Variants in PKIA observed in about 807,000 individuals in gnomAD.
The protein encoded by PKIA is cAMP-dependent protein kinase inhibitor alpha, also known as PKI-alpha.
Under a neutral mutation model 7.6 loss-of-function variants are expected in PKIA, and 4 were observed. The ratio of observed to expected loss-of-function variants is 0.52; its 90% confidence interval spans 0.26 to 1.20. The LOEUF (loss-of-function observed/expected upper bound fraction) is 1.20, where lower values mean the gene tolerates loss of function less well. Among genes scored for constraint, PKIA ranks in the 50% most tolerant of loss-of-function variants. The pLI is 0.13. For missense variants in PKIA, 73 were observed against 86.2 expected, an observed-to-expected ratio of 0.85 and a Z score of 0.61; for synonymous variants, 21 against 30.7, an observed-to-expected ratio of 0.68 and a Z score of 1.04.
chr8:78,601,601 A>G (rs1019223479), intron 3 of PKIA, 141 bp from the exon 4 acceptor site: 8 of 676,690 alleles, frequency 1.2e-5, no homozygotes, highest in Admixed American at 5.2e-5. Context: ...TGAACTGACT[A>G]CCAAGAAAAT....
At chr8:78,590,521 A>G (rs1481598545) in intron 2 of PKIA, among the ~76,000 whole-genome samples, 1 of 152,104 alleles carries the variant, frequency 6.6e-6, no homozygotes, top group Non-Finnish European at 1.5e-5. Flanking sequence ...TTCAACTAAA[A>G]CAACATGTTA....
chr8:78,525,762 G>A (rs1265223735), intron 1 of PKIA, among the ~76,000 whole-genome samples: 1 of 151,954 alleles, frequency 6.6e-6, no homozygotes, highest in Non-Finnish European at 1.5e-5. Flanking sequence ...AATATATTCT[G>A]ATCACTGGGC....
chr8:78,524,821 T>C (rs1809511320), intron 1 of PKIA, among the ~76,000 whole-genome samples: 1 of 151,952 alleles, frequency 6.6e-6, no homozygotes, highest in African/African-American at 2.4e-5. Context: ...AAGTAAAATA[T>C]CAACAGCATA....
chr8:78,542,340 C>T (rs1806714519), intron 1 of PKIA, among the ~76,000 whole-genome samples: 1 of 152,130 alleles, frequency 6.6e-6, no homozygotes, highest in African/African-American at 2.4e-5. Flanking sequence ...TAGTCAACTA[C>T]AGTTCACCAA....
chr8:78,571,695 TC>T (rs1807552271), intron 1 of PKIA, among the ~76,000 whole-genome samples: 2 of 152,052 alleles, frequency 1.3e-5, no homozygotes, highest in South Asian at 4.1e-4. Flanking sequence ...CCAGCTCTAC[TC>T]CTGAGTTTCC....
Position 78,599,371 on chromosome 8 carries a change from T to A in PKIA, c.151+836T>A, listed in dbSNP as rs113996471. On this transcript the variant is annotated intron_variant, in intron 3 of 3. Coordinates refer to ENST00000396418, the MANE Select transcript of PKIA (RefSeq NM_006823.4). ...GAAAGCACTTATCACAGTTTCTGACTCTTAATTATTCAATATGTCTTCGCT... is the reference window on the plus strand; with the variant it reads ...GAAAGCACTTATCACAGTTTCTGACACTTAATTATTCAATATGTCTTCGCT... Among the ~76,000 whole-genome samples, 1,048 of 152,160 alleles carry A rather than the reference T, an allele frequency of 6.9e-3. 10 individuals carry two copies. Among genetic ancestry groups the A allele is most frequent in the African/African-American group, 0.024 (986 of 41,564 alleles).
chr8:78,604,040 A>G lies in PKIA; in HGVS notation c.*2219A>G, dbSNP rs1311737639. 1 of 152,012 alleles carries G rather than the reference A, an allele frequency of 6.6e-6. No individual in the cohort carries two copies. The allele number at this position is 152,012 out of a possible 1,614,324, so 9.4% of individuals were successfully genotyped here. ...CTAGGGAGATAAAAATTAATTTTCT[A>G]AAATGTCCACATCCTATACATTTTG... On this transcript the variant is annotated 3_prime_UTR_variant, in exon 4 of 4. Coordinates refer to ENST00000396418, the MANE Select transcript of PKIA (RefSeq NM_006823.4).
At chr8:78,586,515 G>A (rs1043641115) in intron 2 of PKIA, among the ~76,000 whole-genome samples, 1 of 152,062 alleles carries the variant, frequency 6.6e-6, no homozygotes, top group Non-Finnish European at 1.5e-5. Context: ...ACATCACCTG[G>A]ATAATTAAAC....
Position 78,591,718 on chromosome 8 carries a change from G to T in PKIA, c.-27-6640G>T, listed in dbSNP as rs534879490. On this transcript the variant is annotated intron_variant, in intron 2 of 3. Transcript: ENST00000396418. ...GTATAATTGGATCTTTTGTATAACT[G>T]GATACAAAAAAGTAACACCATATTA... Among the ~76,000 whole-genome samples the T allele has an allele frequency of 4.1e-4, 63 of 151,952 alleles. 2 individuals carry two copies. The highest frequency in any genetic ancestry group is 6.6e-4 in the Non-Finnish European group (45 of 67,930).
chr8:78,544,013 T>C (rs1205245463), intron 1 of PKIA, among the ~76,000 whole-genome samples: 1 of 152,190 alleles, frequency 6.6e-6, no homozygotes, highest in Non-Finnish European at 1.5e-5. Context: ...CTTTTCATGC[T>C]ATTAACTATG....
Position 78,557,355 on chromosome 8 carries a change from CTATAT to C in PKIA, c.-156-15451_-156-15447del, listed in dbSNP as rs529107178. On this transcript the variant is annotated intron_variant, in intron 1 of 3. Transcript: ENST00000396418. ...AATTTGTGCCCATGGATAAGACATA[CTATAT>C]TATAGGAGAATCAAAGAGTTACATA... 1.5e-4 allele frequency among the ~76,000 whole-genome samples: 23 copies of C among 152,168 alleles called. No individual in the cohort carries two copies. In the South Asian group the frequency reaches 4.2e-3, roughly 27 times the overall value.
chr8:78,590,468 TA>T (rs1057091201), intron 2 of PKIA, among the ~76,000 whole-genome samples: 3 of 151,834 alleles, frequency 2.0e-5, no homozygotes, highest in Non-Finnish European at 2.9e-5. Context: ...CTTTTCCAGC[TA>T]AAAAAAATAA....
intron 1 of PKIA, among the ~76,000 whole-genome samples, chr8:78,543,594 C>T (rs926276841): frequency 6.6e-6 from 1 of 152,132 alleles, no homozygotes; most frequent in Non-Finnish European, 1.5e-5. Flanking sequence ...AATGCAACAT[C>T]CTTTGTTCAC....
rs1808411932 is a variant in PKIA, at chr8:78,603,815, G to C, written c.*1994G>C. ...TTCCAAACTGATTTTATGTGATTTT[G>C]AAAAGTTTAGAACCAGTGCTGAGTC... On this transcript the variant is annotated 3_prime_UTR_variant, in exon 4 of 4. Transcript: ENST00000396418. The C allele has an allele frequency of 6.6e-6, 1 of 151,870 alleles. No individual in the cohort carries two copies. The highest frequency in any genetic ancestry group is 2.4e-5 in the African/African-American group (1 of 41,374). 9.4% of individuals were successfully genotyped at this position (151,870 alleles called of 1,614,324 possible).
At position 78,601,826 on chromosome 8, in the gene PKIA, C is replaced by G; in HGVS notation, c.*5C>G. The stretch of plus-strand genomic sequence containing the variant: ...GCAGCAAAATCTGAAAGCTAACACC[C>G]CACTTTGACCCTCGACCACACCTGA... On this transcript the variant is annotated 3_prime_UTR_variant, in exon 4 of 4. Transcript: ENST00000396418. 1 of 1,602,840 alleles carries G rather than the reference C, an allele frequency of 6.2e-7. No homozygotes were observed. Among genetic ancestry groups the G allele is most frequent in the Non-Finnish European group, 8.5e-7 (1 of 1,170,460 alleles).
chr8:78,562,241 T>C (rs901047448), intron 1 of PKIA, among the ~76,000 whole-genome samples: 5 of 152,176 alleles, frequency 3.3e-5, no homozygotes, highest in Non-Finnish European at 7.4e-5. Context: ...TATAGTCTAG[T>C]TGGGACTAAT....
chr8:78,601,002 A>G (rs1322363850), intron 3 of PKIA, among the ~76,000 whole-genome samples: 1 of 152,124 alleles, frequency 6.6e-6, no homozygotes, highest in Non-Finnish European at 1.5e-5. Context: ...GCATGCAGAT[A>G]TTTGAATCTG....
At chr8:78,521,277 G>A (rs1202232612) in intron 1 of PKIA, among the ~76,000 whole-genome samples, 6 of 152,050 alleles carry the variant, frequency 3.9e-5, no homozygotes, top group African/African-American at 1.4e-4. Context: ...TTATGGTAAT[G>A]CCATCTTCAG....
chr8:78,550,705 G>A (rs1340948268), intron 1 of PKIA, among the ~76,000 whole-genome samples: 1 of 151,718 alleles, frequency 6.6e-6, no homozygotes, highest in Non-Finnish European at 1.5e-5. Context: ...TGTGGTATTT[G>A]GTTACATGAG....
Sources: allele counts gnomAD v4.1 joint callset (sites outside exome capture counted in the v4.1 genomes callset), GRCh38; gene constraint gnomAD v4.1.1; transcripts MANE v1.5; gene names NCBI Gene and HGNC (gene_info 2026-07-23, HGNC 2026-07-21).